Variants in EIF3A observed in about 807,000 individuals in gnomAD.
The protein encoded by EIF3A is eukaryotic translation initiation factor 3 subunit A.
Under a neutral mutation model 186.6 loss-of-function variants are expected in EIF3A, and 21 were observed. The ratio of observed to expected loss-of-function variants is 0.11; its 90% CI spans 0.08 to 0.16. The LOEUF (loss-of-function observed/expected upper bound fraction) is 0.16, where lower values mean the gene tolerates loss of function less well. Among genes scored for constraint, EIF3A ranks in the 10% least tolerant of loss-of-function variants. EIF3A has a pLI of 1.00. For missense variants in EIF3A, 1,306 were observed against 1,796.3 expected (o/e 0.73, Z 4.93); for synonymous variants, 563 against 584.3 (o/e 0.96, Z 0.52).
At chr10:119,040,097 G>A (rs536561782) in intron 19 of EIF3A, among the ~76,000 whole-genome samples, 6 of 152,310 alleles carry the variant, frequency 3.9e-5, no homozygotes, top group South Asian at 2.1e-4. Flanking sequence ...TAGAAGAGAC[G>A]AAGTAGGCAA....
At chr10:119,078,453 A>G (rs1367611697) in intron 1 of EIF3A, among the ~76,000 whole-genome samples, 1 of 152,236 alleles carries the variant, frequency 6.6e-6, no homozygotes, top group East Asian at 1.9e-4. Context: ...AGGATCACAA[A>G]TATTACATGT....
intron 20 of EIF3A, 72 bp from the exon 21 acceptor site, chr10:119,037,381 C>G: frequency 1.5e-6 from 2 of 1,349,564 alleles, no homozygotes; most frequent in Middle Eastern, 1.8e-4. Context: ...TACATCCAGT[C>G]CAAGCTGGGG....
intron 17 of EIF3A, 120 bp downstream of exon 17, chr10:119,049,681 G>T: frequency 1.3e-6 from 1 of 784,842 alleles, no homozygotes; most frequent in Non-Finnish European, 2.1e-6. Flanking sequence ...GAACCCGGGG[G>T]CTGAGATTGC....
intron 12 of EIF3A, among the ~76,000 whole-genome samples, chr10:119,057,269 A>C (rs1331263628): frequency 6.6e-6 from 1 of 152,156 alleles, no homozygotes; most frequent in African/African-American, 2.4e-5. Context: ...CCCAGACTCT[A>C]CTAAATAGGG....
intron 14 of EIF3A, among the ~76,000 whole-genome samples, chr10:119,053,138 C>T (rs1348798928): frequency 6.6e-6 from 1 of 152,088 alleles, no homozygotes; most frequent in Non-Finnish European, 1.5e-5. Flanking sequence ...CAACAGGGGG[C>T]TTAAAATATT....
chr10:119,051,520 C>A (rs1427121811), intron 14 of EIF3A, among the ~76,000 whole-genome samples, 199 bp from the exon 15 acceptor site: 1 of 152,132 alleles, frequency 6.6e-6, no homozygotes, highest in Non-Finnish European at 1.5e-5. Context: ...CAAAGTAATC[C>A]TGAGGCATTT....
intron 20 of EIF3A, among the ~76,000 whole-genome samples, chr10:119,037,579 T>C (rs1196537218): frequency 3.9e-5 from 6 of 152,202 alleles, no homozygotes; most frequent in Admixed American, 3.9e-4. Context: ...CCATATATTC[T>C]AAGTGCTTGG....
intron 14 of EIF3A, among the ~76,000 whole-genome samples, chr10:119,051,700 G>A (rs1164297019): frequency 1.3e-5 from 2 of 152,280 alleles, no homozygotes; most frequent in East Asian, 3.9e-4. Flanking sequence ...GATGCATATA[G>A]AAGTTTGCAG....
At chr10:119,057,322 A>T (rs189475020) in intron 12 of EIF3A, among the ~76,000 whole-genome samples, 1 of 152,342 alleles carries the variant, frequency 6.6e-6, no homozygotes, top group East Asian at 1.9e-4. Context: ...AAATGCTCCC[A>T]ATTTTAAAAC....
In EIF3A at chr10:119,073,531, A is replaced by G. The variant is rs1844111543; in HGVS notation, c.287T>C (p.Met96Thr). ...LEDVVRAYLKMAEEKTEAAKE... is the reference protein window; with the variant it reads ...LEDVVRAYLKTAEEKTEAAKE... ...AGCAGCTTCAGTTTTTTCCTCTGCC[A>G]TTTTCAAATATGCCCTAACAACATC... The change falls in exon 3 of 22, where the codon ATG becomes ACG. Residue 96 changes from methionine to threonine, a missense_variant. Physicochemically the swap from Met to Thr is moderately conservative, Grantham distance 81. Transcript: ENST00000369144. 6.2e-7 allele frequency: 1 copy of G among 1,612,646 alleles called. No individual in the cohort carries two copies. The highest frequency in any genetic ancestry group is 8.5e-7 in the Non-Finnish European group (1 of 1,178,924).
chr10:119,055,675 C>A (rs1843766485), intron 14 of EIF3A, among the ~76,000 whole-genome samples: 1 of 152,086 alleles, frequency 6.6e-6, no homozygotes, highest in Non-Finnish European at 1.5e-5. Flanking sequence ...ACTTTGAGAC[C>A]TGCCTGGGTA....
chr10:119,067,177 T>C (rs111229018), intron 6 of EIF3A, among the ~76,000 whole-genome samples: 2,447 of 151,898 alleles, frequency 0.016, 70 homozygotes, highest in African/African-American at 0.056. Context: ...GACTGCGCCA[T>C]TGCACTCCAG....
chr10:119,037,947 G>A lies in EIF3A; in HGVS notation c.3728+291C>T, dbSNP rs560398921. ...TTTTTTTTTTTTGAGACGGAGTTTTGCTCTTGTTGCCCAGGCTGGAGTGCA... is the reference window on the plus strand; with the variant it reads ...TTTTTTTTTTTTGAGACGGAGTTTTACTCTTGTTGCCCAGGCTGGAGTGCA... On this transcript the variant is annotated intron_variant, in intron 20 of 21. Transcript: ENST00000369144. Among the ~76,000 whole-genome samples the A allele has an allele frequency of 2.7e-3, 293 of 109,428 alleles. 4 individuals carry two copies. The highest frequency in any genetic ancestry group is 9.3e-3 in the African/African-American group (276 of 29,724). 71.8% of individuals were successfully genotyped at this position (109,428 alleles called of 152,430 possible).
intron 14 of EIF3A, among the ~76,000 whole-genome samples, chr10:119,055,172 T>C (rs1044183572): frequency 2.6e-5 from 4 of 152,208 alleles, no homozygotes; most frequent in Non-Finnish European, 5.9e-5. Context: ...ATTGCGCCAC[T>C]GCACTCCAGC....
At chr10:119,071,173 T>C in intron 4 of EIF3A, 88 bp from the exon 5 acceptor site, 6 of 958,606 alleles carry the variant, frequency 6.3e-6, no homozygotes, top group South Asian at 2.9e-5. Context: ...TTAAGATCAG[T>C]TGTTTTAACA....
chr10:119,073,853 T>C lies in EIF3A; in HGVS notation c.134A>G (p.Lys45Arg). 1 of 1,613,688 alleles carries C rather than the reference T, an allele frequency of 6.2e-7. No homozygotes were observed. ...MKSKKHRTWQ[K>R]IHEPIMLKYL... Reference sequence around the variant, plus strand: ...TTTCAACATAATTGGTTCGTGTATCTTTTGCCATGTTCTATGTTTTTTACT... The same window carrying C: ...TTTCAACATAATTGGTTCGTGTATCCTTTGCCATGTTCTATGTTTTTTACT... Residue 45 changes from lysine (K) to arginine (R), a missense_variant, in exon 2 of 22, where the codon AAG becomes AGG. This residue lies in a region of EIF3A where 130 missense variants were observed against 259.3 expected (regional missense o/e 0.50). Coordinates refer to ENST00000369144, the MANE Select transcript of EIF3A (RefSeq NM_003750.4).
At chr10:119,077,481 C>G (rs1295022220) in intron 1 of EIF3A, among the ~76,000 whole-genome samples, 1 of 151,752 alleles carries the variant, frequency 6.6e-6, no homozygotes, top group Non-Finnish European at 1.5e-5. Flanking sequence ...GGAATGGGAA[C>G]AGATTTTTCA....
chr10:119,075,997 G>A (rs1844165846), intron 1 of EIF3A, among the ~76,000 whole-genome samples: 1 of 146,354 alleles, frequency 6.8e-6, no homozygotes, highest in African/African-American at 2.5e-5. Context: ...AAGTGCTGGG[G>A]ATACAGGCGT....
intron 1 of EIF3A, among the ~76,000 whole-genome samples, chr10:119,077,425 T>C (rs1343692833): frequency 6.6e-6 from 1 of 151,924 alleles, no homozygotes; most frequent in Non-Finnish European, 1.5e-5. Flanking sequence ...CACTCCAGCC[T>C]GGCCAACAGA....
Sources: allele counts gnomAD v4.1 joint callset (sites outside exome capture counted in the v4.1 genomes callset), GRCh38; gene constraint gnomAD v4.1.1; regional missense constraint gnomAD v4.1.1; transcripts MANE v1.5; gene names NCBI Gene and HGNC (gene_info 2026-07-23, HGNC 2026-07-21).